LRP1B: variants seen among roughly 807,000 people sequenced by gnomAD.
LRP1B encodes LDL receptor related protein 1B.
A neutral mutation model predicts 556.6 loss-of-function variants in LRP1B; 217 were observed. That is an observed-to-expected ratio of 0.39 (90% confidence interval 0.35 to 0.44). The LOEUF (loss-of-function observed/expected upper bound fraction) is 0.44, where lower values mean the gene tolerates loss of function less well. Ranked by LOEUF, LRP1B falls within the 20% of genes least tolerant of loss-of-function variation. LRP1B has a pLI of 1.00. For missense variants in LRP1B, 5,053 were observed against 5,620.8 expected (o/e 0.90, Z 3.23); for synonymous variants, 2,047 against 1,865.8 (o/e 1.10, Z -2.50).
chr2:141,184,069 A>G (rs1681127542), intron 7 of LRP1B, among the ~76,000 whole-genome samples: 1 of 152,074 alleles, frequency 6.6e-6, no homozygotes, highest in Admixed American at 6.6e-5. Context: ...CCCTGACCTC[A>G]GTTACAATCC....
intron 83 of LRP1B, among the ~76,000 whole-genome samples, chr2:140,308,356 C>T (rs556601118): frequency 1.1e-4 from 16 of 151,918 alleles, no homozygotes; most frequent in African/African-American, 3.1e-4. Context: ...ATCTACACAA[C>T]GCTTGAACAA....
At chr2:140,444,242 A>G in intron 65 of LRP1B, 88 bp downstream of exon 65, 6 of 1,382,496 alleles carry the variant, frequency 4.3e-6, no homozygotes, top group Non-Finnish European at 6.0e-6. Flanking sequence ...TATCTACATC[A>G]TATGAATTTA....
chr2:142,043,287 C>T (rs1313956841), intron 1 of LRP1B, among the ~76,000 whole-genome samples: 1 of 151,470 alleles, frequency 6.6e-6, no homozygotes, highest in Admixed American at 6.6e-5. Flanking sequence ...GTTCAAATTC[C>T]TAGTGCATAG....
At chr2:140,263,442 C>G (rs1019100610) in intron 86 of LRP1B, among the ~76,000 whole-genome samples, 1 of 152,058 alleles carries the variant, frequency 6.6e-6, no homozygotes, top group African/African-American at 2.4e-5. Context: ...TCTTCAGAAC[C>G]TATTTTCTAC....
chr2:141,280,612 T>C (rs1254651803), intron 3 of LRP1B, among the ~76,000 whole-genome samples: 1 of 151,922 alleles, frequency 6.6e-6, no homozygotes, highest in African/African-American at 2.4e-5. Flanking sequence ...ACGCTTAATA[T>C]TGGCTTGTTT....
Position 142,130,900 on chromosome 2 carries a change from C to A in LRP1B, c.-171G>T. ...AGTCCAGCCAGTCAGCCTTCTCCTGCCTGGAGCAGGATGTGGAAGGTGGAG... is the reference window on the plus strand; with the variant it reads ...AGTCCAGCCAGTCAGCCTTCTCCTGACTGGAGCAGGATGTGGAAGGTGGAG... On this transcript the variant is annotated 5_prime_UTR_variant, in exon 1 of 91. Coordinates refer to ENST00000389484, the MANE Select transcript of LRP1B (RefSeq NM_018557.3). 1.5e-6 allele frequency: 1 copy of A among 666,384 alleles called. No individual in the cohort carries two copies. Among genetic ancestry groups the A allele is most frequent in the Non-Finnish European group, 2.7e-6 (1 of 368,538 alleles). The allele number at this position is 666,384 out of a possible 1,614,324, so 41.3% of individuals were successfully genotyped here.
chr2:141,491,204 G>C (rs1019202167), intron 2 of LRP1B, among the ~76,000 whole-genome samples: 1 of 152,028 alleles, frequency 6.6e-6, no homozygotes, highest in Non-Finnish European at 1.5e-5. Context: ...CTTTTTAAGT[G>C]AATAAACACA....
intron 1 of LRP1B, among the ~76,000 whole-genome samples, chr2:141,889,733 A>T (rs1467614455): frequency 6.6e-6 from 1 of 152,162 alleles, no homozygotes; most frequent in Non-Finnish European, 1.5e-5. Flanking sequence ...GCCAAACTTA[A>T]ATTACTCTAG....
chr2:141,732,425 G>T (rs1693309030), intron 2 of LRP1B, among the ~76,000 whole-genome samples: 1 of 152,000 alleles, frequency 6.6e-6, no homozygotes, highest in Non-Finnish European at 1.5e-5. Context: ...TCCATTACAT[G>T]ATGCTAAAAT....
chr2:141,319,694 A>G (rs934789386), intron 3 of LRP1B, among the ~76,000 whole-genome samples: 2 of 152,098 alleles, frequency 1.3e-5, no homozygotes, highest in African/African-American at 4.8e-5. Flanking sequence ...TAGATAATAC[A>G]GTTGTCAGAA....
intron 1 of LRP1B, among the ~76,000 whole-genome samples, chr2:142,052,402 T>C (rs1704493595): frequency 6.6e-6 from 1 of 152,174 alleles, no homozygotes; most frequent in Admixed American, 6.5e-5. Flanking sequence ...ATATGGTACC[T>C]GCTTTCATTA....
intron 2 of LRP1B, among the ~76,000 whole-genome samples, chr2:141,529,473 T>C (rs1462481646): frequency 6.6e-6 from 1 of 152,162 alleles, no homozygotes; most frequent in Non-Finnish European, 1.5e-5. Flanking sequence ...CTAACTTATT[T>C]TAGATTATTA....
At chr2:141,700,747 A>G (rs2196599) in intron 2 of LRP1B, among the ~76,000 whole-genome samples, 51,654 of 151,632 alleles carry the variant, frequency 0.34, 9,333 homozygotes, top group East Asian at 0.58. Context: ...CGAACTTTCC[A>G]TCCTCCTTTA....
chr2:140,818,509 A>G (rs1329568179), intron 31 of LRP1B, among the ~76,000 whole-genome samples: 7 of 152,208 alleles, frequency 4.6e-5, no homozygotes, highest in Non-Finnish European at 1.0e-4. Context: ...TTCCTGGGGC[A>G]GAACTGTTTT....
At chr2:141,184,248 AG>A (rs982747657) in intron 7 of LRP1B, among the ~76,000 whole-genome samples, 1 of 152,098 alleles carries the variant, frequency 6.6e-6, no homozygotes, top group African/African-American at 2.4e-5. Context: ...TGTTAGAATA[AG>A]GTTGTTCCTC....
intron 1 of LRP1B, among the ~76,000 whole-genome samples, chr2:142,122,597 C>A (rs544873491): frequency 6.6e-6 from 1 of 152,114 alleles, no homozygotes; most frequent in South Asian, 2.1e-4. Context: ...AGCAAGAGTG[C>A]CTGAATTCTG....
At chr2:141,335,896 C>T (rs1687830231) in intron 3 of LRP1B, among the ~76,000 whole-genome samples, 1 of 151,966 alleles carries the variant, frequency 6.6e-6, no homozygotes, top group South Asian at 2.1e-4. Context: ...TTGGCAAGGA[C>T]ACAAAATTGT....
At chr2:140,827,870 A>AG (rs574797474) in intron 31 of LRP1B, among the ~76,000 whole-genome samples, 94 of 152,290 alleles carry the variant, frequency 6.2e-4, no homozygotes, top group African/African-American at 1.9e-3. Flanking sequence ...AAGCATCAAG[A>AG]GATAAGAAGC....
intron 2 of LRP1B, among the ~76,000 whole-genome samples, chr2:141,808,469 T>C (rs1574383473): frequency 6.6e-6 from 1 of 152,264 alleles, no homozygotes; most frequent in African/African-American, 2.4e-5. Flanking sequence ...ACGGTCTCAC[T>C]ACTTGTATAA....
Sources: allele counts gnomAD v4.1 joint callset (sites outside exome capture counted in the v4.1 genomes callset), GRCh38; gene constraint gnomAD v4.1.1; transcripts MANE v1.5; gene names NCBI Gene and HGNC (gene_info 2026-07-23, HGNC 2026-07-21).